NTN4: variants seen among roughly 807,000 people sequenced by gnomAD.
The protein encoded by NTN4 is netrin-4.
NTN4 carries 32 observed loss-of-function variants against 73.6 expected under a neutral mutation model. The observed-to-expected ratio is 0.44, with a 90% CI of 0.33 to 0.58. The LOEUF (loss-of-function observed/expected upper bound fraction) is 0.58. NTN4 is among the 20% of genes least tolerant of loss of function. The pLI is 0.04. For missense variants in NTN4, 654 were observed against 798.3 expected (o/e 0.82, Z 2.18); for synonymous variants, 258 against 287.5 (o/e 0.90, Z 1.04).
chr12:95,720,393 G>A (rs537268622), intron 3 of NTN4, among the ~76,000 whole-genome samples: 43 of 152,186 alleles, frequency 2.8e-4, no homozygotes, highest in African/African-American at 8.9e-4. Flanking sequence ...CTAAGAAAAC[G>A]GCATTTAGTG....
intron 2 of NTN4, among the ~76,000 whole-genome samples, chr12:95,742,171 T>C (rs1277509170): frequency 6.6e-6 from 1 of 152,118 alleles, no homozygotes; most frequent in Non-Finnish European, 1.5e-5. Context: ...CTTTCTATTC[T>C]AGAATACTCA....
chr12:95,708,256 TTTTATTTATTTATTTATTTATTTATTTA>T (rs200402415), intron 5 of NTN4, among the ~76,000 whole-genome samples: 2 of 142,380 alleles, frequency 1.4e-5, no homozygotes, highest in African/African-American at 5.2e-5. Flanking sequence ...TTTATTGTTA[TTTTATTTATTTATTTATTTATTTATTTA>T]TTTATTTATT....
rs185561851 is a variant in NTN4, at chr12:95,697,780, T to C, written c.1180+12661A>G. Among the ~76,000 whole-genome samples the C allele has an allele frequency of 1.5e-3, 236 of 152,304 alleles. 1 individual carries two copies. The highest frequency in any genetic ancestry group is 2.2e-3 in the Non-Finnish European group (150 of 68,028). The stretch of plus-strand genomic sequence containing the variant: ...CAGTTCTTTGGATCTTTGCAGGTCA[T>C]GGGATCTTTGTAGTCAGACTAACCT... On this transcript the variant is annotated intron_variant, in intron 5 of 9. Coordinates refer to ENST00000343702, the MANE Select transcript of NTN4 (RefSeq NM_021229.4).
rs1592697550 is a variant in NTN4, at chr12:95,741,438, TATATATATATATATATATATATATA to T, written c.586-3319_586-3295del. 1.1e-3 allele frequency among the ~76,000 whole-genome samples: 113 copies of T among 101,050 alleles called. 1 individual carries two copies. Among genetic ancestry groups the T allele is most frequent in the African/African-American group, 4.0e-3 (109 of 27,520 alleles). The allele number at this position is 101,050 out of a possible 152,430, so 66.3% of individuals were successfully genotyped here. On this transcript the variant is annotated intron_variant, in intron 2 of 9. Coordinates refer to ENST00000343702, the MANE Select transcript of NTN4 (RefSeq NM_021229.4). ...AAATTATGTATAAATTATATATATA[TATATATATATATATATATATATATA>T]TATATATATATCTCCTCCATGCCAA...
chr12:95,692,836 C>G (rs550633793), intron 5 of NTN4, among the ~76,000 whole-genome samples: 75 of 152,248 alleles, frequency 4.9e-4, no homozygotes, highest in African/African-American at 1.8e-3. Flanking sequence ...CTATCCAGAA[C>G]TAGATTCTGG....
intron 8 of NTN4, among the ~76,000 whole-genome samples, chr12:95,669,206 TA>T (rs369624673): frequency 3.1e-3 from 389 of 125,906 alleles, no homozygotes; most frequent in Middle Eastern, 0.012. Context: ...AGACTCTGTC[TA>T]AAAAAAAAAA....
intron 2 of NTN4, among the ~76,000 whole-genome samples, chr12:95,786,528 C>G (rs537173606): frequency 6.6e-6 from 1 of 151,958 alleles, no homozygotes; most frequent in African/African-American, 2.4e-5. Flanking sequence ...TCTTTCTTGG[C>G]TTTGTTTTTA....
At chr12:95,700,271 T>A (rs1375273275) in intron 5 of NTN4, among the ~76,000 whole-genome samples, 1 of 151,316 alleles carries the variant, frequency 6.6e-6, no homozygotes, top group Non-Finnish European at 1.5e-5. Flanking sequence ...GCTAATTAAT[T>A]TTTTTTTAAA....
intron 2 of NTN4, among the ~76,000 whole-genome samples, chr12:95,773,946 T>A (rs1487626534): frequency 6.6e-6 from 1 of 152,130 alleles, no homozygotes. Context: ...GCATGCTAAG[T>A]GGTACTGAAG....
At chr12:95,774,539 A>G (rs151165284) in intron 2 of NTN4, among the ~76,000 whole-genome samples, 3 of 152,378 alleles carry the variant, frequency 2.0e-5, no homozygotes, top group Non-Finnish European at 2.9e-5. Flanking sequence ...CTGAACAGTC[A>G]TGCTTAGAAA....
chr12:95,763,360 C>T (rs1455825569), intron 2 of NTN4, among the ~76,000 whole-genome samples: 1 of 152,212 alleles, frequency 6.6e-6, no homozygotes, highest in Non-Finnish European at 1.5e-5. Flanking sequence ...CCTCATCAGG[C>T]AGCGTGTTTC....
In NTN4 at chr12:95,665,836, C is replaced by T; in HGVS notation, c.1724G>A (p.Gly575Glu). ...TLYPESWTDR[G>E]CTCPILNPGL... ...AGGATTGAGGATTGGACAAGTGCAT[C>T]CTCTGTCCGTCCATGATTCTGGATA... The change falls in exon 9 of 10, where the codon GGA (glycine) becomes GAA (glutamate). Residue 575 changes from glycine (G) to glutamate (E), a missense_variant. Transcript: ENST00000343702. 6.2e-7 allele frequency: 1 copy of T among 1,613,828 alleles called. No homozygotes were observed. Among genetic ancestry groups the T allele is most frequent in the Non-Finnish European group, 8.5e-7 (1 of 1,179,852 alleles).
intron 2 of NTN4, among the ~76,000 whole-genome samples, chr12:95,740,719 T>C (rs1347536636): frequency 6.6e-6 from 1 of 152,174 alleles, no homozygotes; most frequent in East Asian, 1.9e-4. Context: ...GATAATATCT[T>C]TCTACTTAAA....
intron 5 of NTN4, among the ~76,000 whole-genome samples, chr12:95,691,061 T>C (rs1475030688): frequency 1.3e-5 from 2 of 152,390 alleles, no homozygotes; most frequent in East Asian, 3.9e-4. Flanking sequence ...CAGAACTAGC[T>C]CCAGGCCGAA....
chr12:95,751,962 T>C (rs1375605780), intron 2 of NTN4, among the ~76,000 whole-genome samples: 2 of 150,466 alleles, frequency 1.3e-5, no homozygotes, highest in Non-Finnish European at 3.0e-5. Context: ...CTAAATTATC[T>C]GCTTCCCTGA....
At chr12:95,698,682 T>C (rs971318525) in intron 5 of NTN4, among the ~76,000 whole-genome samples, 2 of 152,050 alleles carry the variant, frequency 1.3e-5, no homozygotes, top group Non-Finnish European at 2.9e-5. Flanking sequence ...AGACCCTGTC[T>C]ATACTAAAAA....
intron 7 of NTN4, chr12:95,673,012 G>T: frequency 7.3e-7 from 1 of 1,368,564 alleles, no homozygotes; most frequent in Non-Finnish European, 1.0e-6. Context: ...GGGGGATGAA[G>T]GGACCCTGTG....
chr12:95,661,061 A>G (rs1396273768), intron 9 of NTN4, among the ~76,000 whole-genome samples: 1 of 152,250 alleles, frequency 6.6e-6, no homozygotes, highest in Non-Finnish European at 1.5e-5. Context: ...TAAGTTGAGC[A>G]CCAAGAAACA....
rs986249936 is a variant in NTN4 at position 95,740,927 on chromosome 12, T to G, written c.586-2783A>C. ...CCAAGATCAACTGAATCAGAAACTC[T>G]GCAGGTGGGGCCCAGCAATCTGTGT... On this transcript the variant is annotated intron_variant, in intron 2 of 9. Transcript: ENST00000343702. Among the ~76,000 whole-genome samples, 8 of 152,298 alleles carry G rather than the reference T, an allele frequency of 5.3e-5. 1 individual carries two copies. The highest frequency in any genetic ancestry group is 3.9e-4 in the Admixed American group (6 of 15,288).
Sources: allele counts gnomAD v4.1 joint callset (sites outside exome capture counted in the v4.1 genomes callset), GRCh38; gene constraint gnomAD v4.1.1; transcripts MANE v1.5; gene names NCBI Gene and HGNC (gene_info 2026-07-23, HGNC 2026-07-21).